The following SLC37A1 variants were observed in gnomAD, a reference collection of about 807,000 sequenced individuals.
SLC37A1 encodes the protein solute carrier family 37 member 1, also known as glucose-6-phosphate exchanger SLC37A1.
SLC37A1 carries 49 observed loss-of-function variants against 75.3 expected under a neutral mutation model. That is an observed-to-expected ratio of 0.65 (90% CI 0.52 to 0.83). The LOEUF (loss-of-function observed/expected upper bound fraction) is 0.83. Among genes scored for constraint, SLC37A1 ranks in the 40% least tolerant of loss-of-function variants. SLC37A1 has a pLI of 0.00. For missense variants in SLC37A1, 566 were observed against 695.0 expected, an observed-to-expected ratio of 0.81 and a Z score of 2.09; for synonymous variants, 268 against 292.1, an observed-to-expected ratio of 0.92 and a Z score of 0.84.
intron 2 of SLC37A1, 22 bp downstream of exon 2, chr21:42,518,532 C>A (rs1168478153): frequency 4.3e-6 from 7 of 1,613,884 alleles, no homozygotes; most frequent in Non-Finnish European, 5.9e-6. Flanking sequence ...TGGGGCAGGC[C>A]CTTGGCATGG....
chr21:42,517,143 G>T (rs1028913960), intron 1 of SLC37A1, among the ~76,000 whole-genome samples: 1 of 152,296 alleles, frequency 6.6e-6, no homozygotes, highest in South Asian at 2.1e-4. Flanking sequence ...TGTTTGTTGC[G>T]CATTTACTAC....
intron 17 of SLC37A1, among the ~76,000 whole-genome samples, chr21:42,571,235 G>A (rs998062752): frequency 2.6e-5 from 4 of 152,304 alleles, no homozygotes; most frequent in Admixed American, 1.3e-4. Flanking sequence ...CTTATTCAGT[G>A]TCACTGTCCA....
In SLC37A1 at chr21:42,559,068, C is replaced by T. The variant is rs775087098; in HGVS notation, c.960C>T (p.Phe320=). 3.1e-6 allele frequency: 5 copies of T among 1,611,698 alleles called. No individual in the cohort carries two copies. In the African/African-American group the frequency reaches 5.4e-5, roughly 17 times the overall value. The change falls in exon 11 of 20, where the codon TTC becomes TTT. Residue 320 remains phenylalanine, a synonymous_variant. Coordinates refer to ENST00000352133, the MANE Select transcript of SLC37A1 (RefSeq NM_001320537.2). ...DGGSGTAAIS[F]TGALKIPGVI... ...GGAGTGGCACGGCCGCCATCAGCTT[C>T]ACAGGGGCCTTGAAAATTCCAGTAA...
chr21:42,578,919 T>C (rs1410735699), intron 18 of SLC37A1, among the ~76,000 whole-genome samples: 1 of 152,074 alleles, frequency 6.6e-6, no homozygotes, highest in Non-Finnish European at 1.5e-5. Context: ...CTTCCCTGCC[T>C]CCCCTGGACC....
Position 42,525,864 on chromosome 21 carries a change from A to C in SLC37A1, c.138+7A>C, listed in dbSNP as rs766099132. The C allele has an allele frequency of 1.2e-6, 2 of 1,610,060 alleles. No homozygotes were observed. Among genetic ancestry groups the C allele is most frequent in the East Asian group, 2.2e-5 (1 of 44,866 alleles). ...GCCTATCAGCATAGTTAAGGTAAGAATCATGGAAAGCACTGCCTGTCGTCT... is the reference window on the plus strand; with the variant it reads ...GCCTATCAGCATAGTTAAGGTAAGACTCATGGAAAGCACTGCCTGTCGTCT... On this transcript the variant is annotated splice_region_variant and intron_variant, in intron 3 of 19. Coordinates refer to ENST00000352133, the MANE Select transcript of SLC37A1 (RefSeq NM_001320537.2).
chr21:42,539,470 G>A (rs377454676), intron 5 of SLC37A1, 42 bp from the exon 6 acceptor site: 22 of 1,578,820 alleles, frequency 1.4e-5, no homozygotes, highest in African/African-American at 8.1e-5. Flanking sequence ...ACATTCGGGC[G>A]TGTTTGTTAT....
upstream of SLC37A1, among the ~76,000 whole-genome samples, chr21:42,513,315 G>C (rs1291117145): frequency 6.6e-6 from 1 of 152,276 alleles, no homozygotes; most frequent in Non-Finnish European, 1.5e-5. Flanking sequence ...TCACGTGCCT[G>C]CGAGGTGGGA....
chr21:42,551,785 A>G (rs1245236780), intron 9 of SLC37A1, among the ~76,000 whole-genome samples: 1 of 152,050 alleles, frequency 6.6e-6, no homozygotes, highest in Non-Finnish European at 1.5e-5. Context: ...CTTCTAATTT[A>G]TAGGACCTCA....
At chr21:42,526,617 G>A (rs1205048914) in intron 3 of SLC37A1, among the ~76,000 whole-genome samples, 1 of 152,162 alleles carries the variant, frequency 6.6e-6, no homozygotes. Context: ...GCTGAGCCCT[G>A]GGTGGCTGCC....
intron 14 of SLC37A1, 106 bp from the exon 15 acceptor site, chr21:42,565,721 T>C: frequency 9.7e-7 from 1 of 1,027,404 alleles, no homozygotes; most frequent in Non-Finnish European, 1.5e-6. Flanking sequence ...ACTCTTGGGA[T>C]GGCTGCCTGA....
chr21:42,549,909 A>G (rs1291941185), intron 9 of SLC37A1, among the ~76,000 whole-genome samples: 2 of 152,230 alleles, frequency 1.3e-5, no homozygotes, highest in African/African-American at 4.8e-5. Flanking sequence ...TAACAGCATA[A>G]CGAACCCCTG....
At chr21:42,543,285 G>C in intron 7 of SLC37A1, 151 bp from the exon 8 acceptor site, 1 of 866,066 alleles carries the variant, frequency 1.2e-6, no homozygotes, top group South Asian at 1.4e-5. Context: ...TGAGCATCGC[G>C]AGTCCTGCAT....
At chr21:42,521,779 T>A (rs1207966047) in intron 2 of SLC37A1, among the ~76,000 whole-genome samples, 1 of 152,270 alleles carries the variant, frequency 6.6e-6, no homozygotes, top group Non-Finnish European at 1.5e-5. Context: ...TTTATTTTTT[T>A]ATTGTATTTG....
rs1275628196 is a variant in SLC37A1, at chr21:42,563,818, A to G, written c.1076A>G (p.His359Arg). ...WLPLYITNVDHLDAKKAGELS... is the reference protein window; with the variant it reads ...WLPLYITNVDRLDAKKAGELS... ...CACTCCGTTGTCATTTCAATAGATC[A>G]CCTTGATGCCAAAAAGGCGGGGGAG... Residue 359 changes from histidine (H) to arginine (R), a missense_variant, in exon 13 of 20, where the codon CAC becomes CGC. Physicochemically the swap from His to Arg is conservative, Grantham distance 29. Transcript: ENST00000352133. The G allele has an allele frequency of 1.2e-6, 2 of 1,614,050 alleles. No individual in the cohort carries two copies. The highest frequency in any genetic ancestry group is 1.7e-6 in the Non-Finnish European group (2 of 1,179,986).
At chr21:42,575,569 G>A in intron 18 of SLC37A1, 1 of 985,364 alleles carries the variant, frequency 1.0e-6, no homozygotes, top group Non-Finnish European at 1.2e-6. Flanking sequence ...TGATGTCACA[G>A]TCACATAGAT....
chr21:42,518,595 A>T, intron 2 of SLC37A1, 85 bp downstream of exon 2: 1 of 1,458,436 alleles, frequency 6.9e-7, no homozygotes, highest in Non-Finnish European at 9.6e-7. Flanking sequence ...CCCCAGTTTC[A>T]TTATAAAACA....
intron 3 of SLC37A1, among the ~76,000 whole-genome samples, chr21:42,526,499 T>G (rs1483235234): frequency 6.6e-6 from 1 of 152,218 alleles, no homozygotes; most frequent in African/African-American, 2.4e-5. Flanking sequence ...GACAGTGCAT[T>G]CACAGCCCAG....
Position 42,514,387 on chromosome 21 carries a change from G to C in SLC37A1, c.-509G>C, listed in dbSNP as rs1439091519. The C allele has an allele frequency of 6.6e-5, 10 of 152,140 alleles. No homozygotes were observed. Among genetic ancestry groups the C allele is most frequent in the Non-Finnish European group, 1.0e-4 (7 of 68,038 alleles). The allele number at this position is 152,140 out of a possible 1,614,324, so 9.4% of individuals were successfully genotyped here. A position where few individuals can be genotyped will look rare whatever the true frequency, so the allele number is the denominator to read the frequency against. On this transcript the variant is annotated 5_prime_UTR_variant, in exon 1 of 20. Transcript: ENST00000352133. This position sits in a 1 kb window ranked among gnomAD's most constrained non-coding sequence, Gnocchi z 4.8. ...CGGCCCGGGCCGCGGTGACAGCTGA[G>C]GGTCCAGAGAGCCGGCAGGAGGGGA...
intron 3 of SLC37A1, among the ~76,000 whole-genome samples, chr21:42,530,654 A>ACACACACACACACCCCCCCCCC (rs1161313598): frequency 2.8e-5 from 1 of 35,880 alleles, no homozygotes; most frequent in Non-Finnish European, 5.2e-5. Context: ...ACACACACAC[A>ACACACACACACACCCCCCCCCC]CCCCCTCTGT....
Sources: allele counts gnomAD v4.1 joint callset (sites outside exome capture counted in the v4.1 genomes callset), GRCh38; gene constraint gnomAD v4.1.1; non-coding constraint Gnocchi (gnomAD v3.1); transcripts MANE v1.5; gene names NCBI Gene and HGNC (gene_info 2026-07-23, HGNC 2026-07-21).